Variants in DIP2C observed in about 807,000 individuals in gnomAD.
DIP2C encodes the protein disco-interacting protein 2 homolog C.
A neutral mutation model predicts 192.4 loss-of-function variants in DIP2C; 33 were observed. The observed-to-expected ratio is 0.17, with a 90% CI of 0.13 to 0.23. The LOEUF is 0.23. Among genes scored for constraint, DIP2C ranks in the 10% least tolerant of loss-of-function variants. The probability of loss-of-function intolerance (pLI) is 1.00; values close to 1 mark genes in which losing one functional copy is unlikely to be tolerated. For synonymous variants in DIP2C, 979 were observed against 864.1 expected (o/e 1.13, Z -2.33); for missense variants, 1,537 against 2,110.1 (o/e 0.73, Z 5.32).
chr10:376,802 C>G (rs1438591624), intron 17 of DIP2C, among the ~76,000 whole-genome samples: 4 of 152,118 alleles, frequency 2.6e-5, no homozygotes, highest in Non-Finnish European at 4.4e-5. Flanking sequence ...AGGACAGGAG[C>G]AGTTAAGCTT....
chr10:590,693 T>C (rs1173070003), intron 1 of DIP2C, among the ~76,000 whole-genome samples: 1 of 152,168 alleles, frequency 6.6e-6, no homozygotes, highest in African/African-American at 2.4e-5. Context: ...AGACGGGTTT[T>C]TACTTTACAT....
intron 1 of DIP2C, among the ~76,000 whole-genome samples, chr10:521,333 C>T (rs1387285739): frequency 6.6e-6 from 1 of 152,202 alleles, no homozygotes; most frequent in Non-Finnish European, 1.5e-5. Flanking sequence ...CCTGTGGATT[C>T]TGAGGTGCCT....
At chr10:492,209 G>A (rs1844498763) in intron 1 of DIP2C, among the ~76,000 whole-genome samples, 1 of 152,202 alleles carries the variant, frequency 6.6e-6, no homozygotes, top group Non-Finnish European at 1.5e-5. Context: ...CAGACAGAAG[G>A]GTCGCTGCAA....
chr10:369,008 A>T (rs541890886), intron 18 of DIP2C, among the ~76,000 whole-genome samples: 2 of 152,342 alleles, frequency 1.3e-5, no homozygotes, highest in South Asian at 4.1e-4. Flanking sequence ...TTCCTCATGC[A>T]TCTGTGGAAA....
intron 1 of DIP2C, among the ~76,000 whole-genome samples, chr10:579,529 C>T (rs962031701): frequency 2.0e-5 from 3 of 152,032 alleles, no homozygotes; most frequent in Non-Finnish European, 2.9e-5. Context: ...AGCATACACA[C>T]ATCCAGATCC....
chr10:381,384 C>G (rs543193585), intron 17 of DIP2C, among the ~76,000 whole-genome samples: 1 of 152,318 alleles, frequency 6.6e-6, no homozygotes, highest in East Asian at 1.9e-4. Flanking sequence ...CTAATTCAAC[C>G]TGGAATGCTA....
intron 1 of DIP2C, among the ~76,000 whole-genome samples, chr10:605,080 C>T (rs1852369127): frequency 6.6e-6 from 1 of 152,228 alleles, no homozygotes; most frequent in South Asian, 2.1e-4. Context: ...AAATGGTCAG[C>T]ATCATGCGTG....
At chr10:431,024 CTA>C (rs1966850730) in intron 4 of DIP2C, among the ~76,000 whole-genome samples, 1 of 152,166 alleles carries the variant, frequency 6.6e-6, no homozygotes, top group African/African-American at 2.4e-5. Context: ...GTTTAGTTGA[CTA>C]TATTTTCTTA....
At chr10:550,991 G>A (rs529140894) in intron 1 of DIP2C, among the ~76,000 whole-genome samples, 5 of 144,302 alleles carry the variant, frequency 3.5e-5, no homozygotes, top group Admixed American at 1.4e-4. Flanking sequence ...GATGCGAACT[G>A]TGCACACGGC....
chr10:597,677 T>A (rs1564248185), intron 1 of DIP2C, among the ~76,000 whole-genome samples: 1 of 152,240 alleles, frequency 6.6e-6, no homozygotes, highest in Non-Finnish European at 1.5e-5. Context: ...TAAGAAATCA[T>A]AAAAGTAGGC....
At chr10:515,492 G>T (rs1254287167) in intron 1 of DIP2C, among the ~76,000 whole-genome samples, 2 of 152,158 alleles carry the variant, frequency 1.3e-5, no homozygotes. Context: ...GGAGGCCAAA[G>T]TGGGCCAATC....
intron 1 of DIP2C, among the ~76,000 whole-genome samples, chr10:490,387 C>T (rs563633984): frequency 2.8e-4 from 42 of 152,250 alleles, no homozygotes; most frequent in Non-Finnish European, 3.1e-4. Flanking sequence ...TAAGCTGGGG[C>T]CATCACGTGT....
At chr10:528,151 T>A (rs1564820976) in intron 1 of DIP2C, among the ~76,000 whole-genome samples, 5 of 151,916 alleles carry the variant, frequency 3.3e-5, no homozygotes, top group Non-Finnish European at 7.4e-5. Context: ...AGAGAAAACC[T>A]CCTTGGTTCC....
intron 13 of DIP2C, among the ~76,000 whole-genome samples, chr10:389,025 G>A (rs1371617593): frequency 1.3e-5 from 2 of 148,634 alleles, no homozygotes; most frequent in African/African-American, 5.0e-5. Context: ...TTCTCTGGGG[G>A]TTCTCTGGGG....
At position 419,081 on chromosome 10, in the gene DIP2C, G is replaced by A. The variant is rs1207658659; in HGVS notation, c.723C>T (p.Leu241=). The change falls in exon 6 of 37, where the codon CTC becomes CTT. Residue 241 remains leucine (L), a synonymous_variant. Coordinates refer to ENST00000280886, the MANE Select transcript of DIP2C (RefSeq NM_014974.3). The stretch of plus-strand genomic sequence containing the variant: ...GGGACGTACCATCCCCGGTCTCCAT[G>A]AGCTCGGCGTTGCCGTACTTGGGCG... ...RTAPKYGNAE[L]METGDGVPVS... 1.2e-6 allele frequency: 2 copies of A among 1,614,268 alleles called. No individual in the cohort carries two copies. Among genetic ancestry groups the A allele is most frequent in the South Asian group, 1.1e-5 (1 of 91,092 alleles).
chr10:367,772 G>A (rs982393212), intron 18 of DIP2C, among the ~76,000 whole-genome samples: 14 of 152,230 alleles, frequency 9.2e-5, no homozygotes, highest in East Asian at 5.8e-4. Flanking sequence ...AGCTCGTTAC[G>A]CGCTGACAAA....
At chr10:326,199 A>T (rs1013541068) in intron 31 of DIP2C, among the ~76,000 whole-genome samples, 4 of 152,174 alleles carry the variant, frequency 2.6e-5, no homozygotes, top group African/African-American at 4.8e-5. Context: ...TCAAAAAAGT[A>T]AAAGAAAAAT....
chr10:635,839 G>A (rs1854799751), intron 1 of DIP2C, among the ~76,000 whole-genome samples: 1 of 152,166 alleles, frequency 6.6e-6, no homozygotes, highest in Non-Finnish European at 1.5e-5. Context: ...ACCCCCAGAG[G>A]CTGCCTCACC....
At chr10:606,402 G>A (rs1852479057) in intron 1 of DIP2C, among the ~76,000 whole-genome samples, 1 of 151,416 alleles carries the variant, frequency 6.6e-6, no homozygotes, top group Non-Finnish European at 1.5e-5. Context: ...CCCCGCTGCC[G>A]TAATTACCTG....
Sources: gnomAD v4.1 joint callset for allele counts (sites outside exome capture counted in the v4.1 genomes callset) on GRCh38, gnomAD v4.1.1 for gene constraint, MANE v1.5 for transcripts, NCBI Gene and HGNC (gene_info 2026-07-23, HGNC 2026-07-21) for gene names.